Variants in PRKAR2B observed in about 807,000 individuals in gnomAD.
PRKAR2B encodes protein kinase cAMP-dependent type II regulatory subunit beta.
PRKAR2B carries 14 observed loss-of-function variants against 49.9 expected under a neutral mutation model. That is an observed-to-expected ratio of 0.28 (90% CI 0.19 to 0.44). The LOEUF (loss-of-function observed/expected upper bound fraction) is 0.44. Ranked by LOEUF, PRKAR2B falls within the 20% of genes least tolerant of loss-of-function variation. The probability of loss-of-function intolerance (pLI) is 1.00; values close to 1 mark genes in which losing one functional copy is unlikely to be tolerated. For missense variants in PRKAR2B, 393 were observed against 537.9 expected (o/e 0.73, Z 2.67); for synonymous variants, 196 against 197.7 (o/e 0.99, Z 0.07).
intron 2 of PRKAR2B, among the ~76,000 whole-genome samples, chr7:107,119,836 C>T (rs1795355800): frequency 1.3e-5 from 2 of 152,292 alleles, no homozygotes; most frequent in South Asian, 4.1e-4. Context: ...TTTCATATGT[C>T]AGTGAGGTTC....
rs768302193 is a variant in PRKAR2B at position 107,045,082 on chromosome 7, G to T, written c.175G>T (p.Gly59Trp). The T allele has an allele frequency of 3.9e-6, 6 of 1,535,996 alleles. No homozygotes were observed. The highest frequency in any genetic ancestry group is 2.6e-6 in the Non-Finnish European group (3 of 1,144,828). Residue 59 changes from glycine to tryptophan, a missense_variant, in exon 1 of 11, where the codon GGG (glycine) becomes TGG (tryptophan). Around this residue, in one of 2 missense-constraint regions of PRKAR2B, gnomAD observed 160 missense variants for 147.6 expected, o/e 1.08. Transcript: ENST00000265717. ...CTTCGGCCATGAGGGCAGGACCTGGGGGGACCTGGGCGCCGCTGCCGGGGG... is the reference window on the plus strand; with the variant it reads ...CTTCGGCCATGAGGGCAGGACCTGGTGGGACCTGGGCGCCGCTGCCGGGGG... ...ARFGHEGRTW[G>W]DLGAAAGGGT...
intron 2 of PRKAR2B, among the ~76,000 whole-genome samples, chr7:107,091,167 GT>G (rs529435422): frequency 4.6e-5 from 7 of 151,932 alleles, no homozygotes; most frequent in African/African-American, 9.6e-5. Context: ...AAGAGCACTG[GT>G]TTTTTTTGGT....
intron 1 of PRKAR2B, among the ~76,000 whole-genome samples, chr7:107,055,499 GC>G (rs1793894363): frequency 6.6e-6 from 1 of 151,976 alleles, no homozygotes; most frequent in African/African-American, 2.4e-5. Flanking sequence ...TTTAATGATC[GC>G]CATTCTAACT....
intron 6 of PRKAR2B, among the ~76,000 whole-genome samples, chr7:107,148,304 G>A (rs1466698488): frequency 6.6e-6 from 1 of 152,178 alleles, no homozygotes; most frequent in Non-Finnish European, 1.5e-5. Flanking sequence ...CACACAGTGA[G>A]GAAACTGCCT....
Position 107,044,890 on chromosome 7 carries a change from T to G in PRKAR2B, c.-18T>G. ...GGGGCGAGGGCGGCGCCCAGGCGCCTGCCGCCCCGGAGGCAGGATGAGCAT... is the reference window on the plus strand; with the variant it reads ...GGGGCGAGGGCGGCGCCCAGGCGCCGGCCGCCCCGGAGGCAGGATGAGCAT... On this transcript the variant is annotated 5_prime_UTR_variant, in exon 1 of 11. Coordinates refer to ENST00000265717, the MANE Select transcript of PRKAR2B (RefSeq NM_002736.3). The G allele has an allele frequency of 1.3e-6, 2 of 1,577,178 alleles. No homozygotes were observed. Among genetic ancestry groups the G allele is most frequent in the Non-Finnish European group, 1.7e-6 (2 of 1,166,210 alleles).
At position 107,145,778 on chromosome 7, in the gene PRKAR2B, C is replaced by T. The variant is rs1381432443; in HGVS notation, c.588-530C>T. ...TTTTGAGTTGGAGTTTTGCTCTTGT[C>T]ACCCAGGCTGGAGTGCAGTGGCACA... On this transcript the variant is annotated intron_variant, in intron 5 of 10. Transcript: ENST00000265717. 5.8e-5 allele frequency among the ~76,000 whole-genome samples: 7 copies of T among 120,536 alleles called. No individual in the cohort carries two copies. The East Asian group carries it at 1.8e-3, about 30-fold the overall frequency. 79.1% of individuals were successfully genotyped at this position (120,536 alleles called of 152,430 possible).
At chr7:107,154,783 C>A (rs568059932) in intron 8 of PRKAR2B, among the ~76,000 whole-genome samples, 1 of 152,168 alleles carries the variant, frequency 6.6e-6, no homozygotes, top group Non-Finnish European at 1.5e-5. Flanking sequence ...CAGACTGCAT[C>A]ATTGGAGATC....
At chr7:107,122,471 G>A (rs1431690982) in intron 3 of PRKAR2B, among the ~76,000 whole-genome samples, 1 of 152,060 alleles carries the variant, frequency 6.6e-6, no homozygotes, top group Non-Finnish European at 1.5e-5. Flanking sequence ...CTTCTTGCAG[G>A]CCCTAATGTT....
chr7:107,104,259 T>C (rs1012931236), intron 2 of PRKAR2B, among the ~76,000 whole-genome samples: 20 of 152,162 alleles, frequency 1.3e-4, no homozygotes, highest in African/African-American at 4.8e-4. Context: ...GGCCTCGAAC[T>C]CCTGAGCTCA....
chr7:107,143,730 A>G (rs538623615), intron 5 of PRKAR2B, among the ~76,000 whole-genome samples: 4 of 152,316 alleles, frequency 2.6e-5, no homozygotes, highest in African/African-American at 4.8e-5. Flanking sequence ...TGGTGGTTCA[A>G]TGTACACAAA....
chr7:107,084,808 G>A (rs985158131), intron 2 of PRKAR2B, among the ~76,000 whole-genome samples: 1 of 151,516 alleles, frequency 6.6e-6, no homozygotes. Flanking sequence ...TATTTTGTTA[G>A]CAGAGACGGG....
intron 4 of PRKAR2B, among the ~76,000 whole-genome samples, chr7:107,139,861 C>T (rs1241339394): frequency 6.6e-6 from 1 of 152,072 alleles, no homozygotes; most frequent in Non-Finnish European, 1.5e-5. Context: ...TCTTTTTTCC[C>T]CTTTGAATCT....
chr7:107,073,651 C>G (rs955737778), intron 2 of PRKAR2B, among the ~76,000 whole-genome samples: 10 of 152,150 alleles, frequency 6.6e-5, no homozygotes, highest in Non-Finnish European at 5.9e-5. Flanking sequence ...ACCCCATAAC[C>G]TTATTTTTAA....
At chr7:107,045,239 C>T in intron 1 of PRKAR2B, 25 bp downstream of exon 1, 1 of 1,400,652 alleles carries the variant, frequency 7.1e-7, no homozygotes, top group South Asian at 1.5e-5. Context: ...CCCCACTTCG[C>T]GCCCCCGGAT....
At chr7:107,052,292 G>A (rs1023766237) in intron 1 of PRKAR2B, among the ~76,000 whole-genome samples, 3 of 152,120 alleles carry the variant, frequency 2.0e-5, no homozygotes, top group Admixed American at 6.5e-5. Context: ...GGTGGCGGGC[G>A]CCTTAATCCC....
chr7:107,119,019 G>A (rs1017784115), intron 2 of PRKAR2B, among the ~76,000 whole-genome samples: 4 of 152,298 alleles, frequency 2.6e-5, no homozygotes, highest in South Asian at 2.1e-4. Flanking sequence ...ATGTGATAAA[G>A]TGGGTATCAC....
At chr7:107,105,425 G>A (rs968777559) in intron 2 of PRKAR2B, among the ~76,000 whole-genome samples, 16 of 152,284 alleles carry the variant, frequency 1.1e-4, no homozygotes, top group East Asian at 1.9e-4. Context: ...GTGTGGTCCC[G>A]CATGGTACAA....
chr7:107,048,698 G>T (rs1006315013), intron 1 of PRKAR2B, among the ~76,000 whole-genome samples: 2 of 152,182 alleles, frequency 1.3e-5, no homozygotes. Flanking sequence ...TGTAGGTGGC[G>T]CTAGAGCAAA....
chr7:107,151,299 AC>A, intron 7 of PRKAR2B, among the ~76,000 whole-genome samples: 1 of 152,318 alleles, frequency 6.6e-6, no homozygotes, highest in East Asian at 1.9e-4. Context: ...TAATATAATC[AC>A]ATAGATGTAG....
Sources: gnomAD v4.1 joint callset for allele counts (sites outside exome capture counted in the v4.1 genomes callset) on GRCh38, gnomAD v4.1.1 for gene constraint, gnomAD v4.1.1 regional missense constraint, MANE v1.5 for transcripts, NCBI Gene and HGNC (gene_info 2026-07-23, HGNC 2026-07-21) for gene names.